Variants in ANKFN1 observed in about 807,000 individuals in gnomAD.
ANKFN1 encodes ankyrin repeat and fibronectin type III domain containing 1.
Under a neutral mutation model 108.7 loss-of-function variants are expected in ANKFN1, and 74 were observed. That is an observed-to-expected ratio of 0.68 (90% CI 0.56 to 0.83). The LOEUF (loss-of-function observed/expected upper bound fraction) is 0.83. Ranked by LOEUF, ANKFN1 falls within the 40% of genes least tolerant of loss-of-function variation. ANKFN1 has a pLI of 0.00. For synonymous variants in ANKFN1, 547 were observed against 516.2 expected, an observed-to-expected ratio of 1.06 and a Z score of -0.81; for missense variants, 1,505 against 1,382.3, an observed-to-expected ratio of 1.09 and a Z score of -1.41.
At chr17:56,463,682 A>G (rs777036259) in intron 14 of ANKFN1, 1 of 152,246 alleles carries the variant, frequency 6.6e-6, no homozygotes, top group African/African-American at 2.4e-5. Context: ...GACACTGCAG[A>G]TTGTGCTAAA....
At chr17:56,154,926 G>C (rs78976353) in intron 1 of ANKFN1, among the ~76,000 whole-genome samples, 1 of 152,120 alleles carries the variant, frequency 6.6e-6, no homozygotes, top group African/African-American at 2.4e-5. Context: ...GCAGAACTTC[G>C]ACCATACTAT....
At chr17:56,338,016 C>T (rs1291350175) in intron 4 of ANKFN1, among the ~76,000 whole-genome samples, 4 of 152,086 alleles carry the variant, frequency 2.6e-5, no homozygotes, top group Admixed American at 6.6e-5. Flanking sequence ...ATGCTTATTG[C>T]GGCACTATTC....
intron 3 of ANKFN1, among the ~76,000 whole-genome samples, chr17:56,258,561 T>C (rs1402093832): frequency 6.6e-6 from 1 of 152,076 alleles, no homozygotes; most frequent in Non-Finnish European, 1.5e-5. Context: ...ACGCAATACT[T>C]CAGGATACAT....
chr17:56,472,565 T>A (rs1378179773), intron 15 of ANKFN1: 1 of 152,202 alleles, frequency 6.6e-6, no homozygotes, highest in Non-Finnish European at 1.5e-5. Context: ...TAATGAATAA[T>A]TTTTTCAGTG....
chr17:56,366,445 A>T lies in ANKFN1; in HGVS notation c.602-6201A>T, dbSNP rs867944052. 8.5e-5 allele frequency among the ~76,000 whole-genome samples: 13 copies of T among 152,196 alleles called. No homozygotes were observed. In the South Asian group the frequency reaches 1.0e-3, roughly 12 times the overall value. ...AGTGTAGCTTAATTGTACAGTGTTTATGAAGTCTGCAGCAGTGTCAGTAAT... is the reference window on the plus strand; with the variant it reads ...AGTGTAGCTTAATTGTACAGTGTTTTTGAAGTCTGCAGCAGTGTCAGTAAT... On this transcript the variant is annotated intron_variant, in intron 6 of 20. Transcript: ENST00000682825.
chr17:56,380,740 C>A (rs1266932579), intron 8 of ANKFN1, among the ~76,000 whole-genome samples: 7 of 152,212 alleles, frequency 4.6e-5, no homozygotes, highest in African/African-American at 1.4e-4. Context: ...GGGAGGGGCG[C>A]CCGCCATTGC....
intron 17 of ANKFN1, 88 bp from the exon 18 acceptor site, chr17:56,482,268 G>A: frequency 8.3e-7 from 1 of 1,198,052 alleles, no homozygotes; most frequent in East Asian, 2.5e-5. Context: ...GTGTAATTTT[G>A]TGAGATGTTT....
chr17:56,340,688 C>A (rs1364250668), intron 4 of ANKFN1, among the ~76,000 whole-genome samples: 1 of 152,052 alleles, frequency 6.6e-6, no homozygotes, highest in Admixed American at 6.6e-5. Flanking sequence ...CAGTACCATG[C>A]TGTTTTGTTT....
chr17:56,370,281 A>G (rs933198392), intron 6 of ANKFN1, among the ~76,000 whole-genome samples: 2 of 152,204 alleles, frequency 1.3e-5, no homozygotes, highest in African/African-American at 2.4e-5. Flanking sequence ...TTGCATCTAA[A>G]GCCTAGAAGG....
At chr17:56,472,385 G>T (rs1043113168) in intron 15 of ANKFN1, 1 of 152,152 alleles carries the variant, frequency 6.6e-6, no homozygotes, top group Non-Finnish European at 1.5e-5. Flanking sequence ...TAAAAGTGCT[G>T]TAGTTATTGA....
At chr17:56,448,939 C>T (rs537469602) in intron 10 of ANKFN1, 140 bp from the exon 11 acceptor site, 3 of 620,770 alleles carry the variant, frequency 4.8e-6, no homozygotes, top group Non-Finnish European at 8.6e-6. Flanking sequence ...CTTGGCATCG[C>T]CTGCTTGCTC....
intron 4 of ANKFN1, among the ~76,000 whole-genome samples, chr17:56,055,573 A>ATATATG (rs1483858471): frequency 9.6e-6 from 1 of 103,838 alleles, no homozygotes; most frequent in Non-Finnish European, 1.8e-5. Context: ...ATACATATAT[A>ATATATG]TATATATATA....
chr17:56,443,787 C>G (rs1375304334), intron 10 of ANKFN1, among the ~76,000 whole-genome samples: 1 of 152,202 alleles, frequency 6.6e-6, no homozygotes, highest in African/African-American at 2.4e-5. Context: ...GAATAAATAT[C>G]TCCAGACATA....
chr17:56,506,191 T>A (rs1347775852), intron 20 of ANKFN1, among the ~76,000 whole-genome samples: 1 of 152,078 alleles, frequency 6.6e-6, no homozygotes. Context: ...TAGTTATATC[T>A]CCTGATGCTA....
intron 4 of ANKFN1, among the ~76,000 whole-genome samples, chr17:56,126,941 G>A (rs752187248): frequency 6.6e-6 from 1 of 152,150 alleles, no homozygotes; most frequent in African/African-American, 2.4e-5. Flanking sequence ...TGGGATAAAT[G>A]CACAAAAAAT....
chr17:56,255,272 G>A (rs1361937432), intron 3 of ANKFN1, among the ~76,000 whole-genome samples: 2 of 152,146 alleles, frequency 1.3e-5, no homozygotes, highest in Admixed American at 1.3e-4. Context: ...TGGTGGCTTG[G>A]GATGCAGAGG....
chr17:56,509,975 C>T (rs988680824), intron 20 of ANKFN1, among the ~76,000 whole-genome samples: 6 of 152,174 alleles, frequency 3.9e-5, no homozygotes, highest in Admixed American at 6.5e-5. Context: ...TGGAGGTGGA[C>T]GGCAGCTAGG....
intron 4 of ANKFN1, among the ~76,000 whole-genome samples, chr17:56,129,759 T>C (rs1008173572): frequency 6.6e-6 from 1 of 152,216 alleles, no homozygotes; most frequent in Non-Finnish European, 1.5e-5. Flanking sequence ...TTAAGCAGCC[T>C]GTTTGGGTAA....
intron 4 of ANKFN1, among the ~76,000 whole-genome samples, chr17:56,133,844 A>G (rs1907435741): frequency 6.6e-6 from 1 of 151,900 alleles, no homozygotes; most frequent in African/African-American, 2.4e-5. Context: ...CCAGATGTGC[A>G]GGGATATTTT....
Sources: allele counts gnomAD v4.1 joint callset (sites outside exome capture counted in the v4.1 genomes callset), GRCh38; gene constraint gnomAD v4.1.1; transcripts MANE v1.5; gene names NCBI Gene and HGNC (gene_info 2026-07-23, HGNC 2026-07-21).